Variants in HSPH1 observed in about 807,000 individuals in gnomAD.
The protein encoded by HSPH1 is heat shock protein family H (Hsp110) member 1, also known as heat shock protein 105 kDa.
HSPH1 carries 40 observed loss-of-function variants against 100.0 expected under a neutral mutation model. That is an observed-to-expected ratio of 0.40 (90% confidence interval 0.31 to 0.52). The LOEUF (loss-of-function observed/expected upper bound fraction) is 0.52. Ranked by LOEUF, HSPH1 falls within the 20% of genes least tolerant of loss-of-function variation. The pLI is 0.54. For synonymous variants in HSPH1, 403 were observed against 344.0 expected (o/e 1.17, Z -1.90); for missense variants, 876 against 1,015.1 (o/e 0.86, Z 1.86).
At position 31,138,475 on chromosome 13, in the gene HSPH1, C is replaced by T. The variant is rs762864116; in HGVS notation, c.2302G>A (p.Ala768Thr). ...TGATCAAGACTCTTTTTAGCCTGAG[C>T]ATTCATGACATTATTCATCCATTCC... is the stretch of plus-strand genomic sequence containing the variant. ...VMEWMNNVMN[A>T]QAKKSLDQDP... The change falls in exon 17 of 18, where the codon GCT becomes ACT. Residue 768 changes from alanine (A) to threonine (T), a missense_variant. Transcript: ENST00000320027. The T allele has an allele frequency of 1.5e-5, 24 of 1,613,162 alleles. No individual in the cohort carries two copies. The South Asian group carries it at 2.5e-4, about 17-fold the overall frequency.
chr13:31,144,411 T>C (rs2137565224), intron 11 of HSPH1, among the ~76,000 whole-genome samples: 1 of 152,298 alleles, frequency 6.6e-6, no homozygotes, highest in South Asian at 2.1e-4. Flanking sequence ...CTTCAGCTTA[T>C]AGACAGCCAA....
intron 14 of HSPH1, among the ~76,000 whole-genome samples, chr13:31,139,883 G>A (rs556434537): frequency 2.6e-5 from 4 of 152,064 alleles, no homozygotes; most frequent in African/African-American, 7.2e-5. Context: ...CGCATTTGAC[G>A]TTTTTAAAAG....
chr13:31,159,062 G>A, intron 1 of HSPH1, among the ~76,000 whole-genome samples, 199 bp from the exon 2 acceptor site: 1 of 152,164 alleles, frequency 6.6e-6, no homozygotes, highest in East Asian at 1.9e-4. Context: ...AACCTAGGTG[G>A]CAGTTCTACT....
At position 31,143,842 on chromosome 13, in the gene HSPH1, G is replaced by A; in HGVS notation, c.1666C>T (p.Pro556Ser). The A allele has an allele frequency of 6.2e-7, 1 of 1,611,716 alleles. No individual in the cohort carries two copies. The highest frequency in any genetic ancestry group is 1.1e-5 in the South Asian group (1 of 90,840). The change falls in exon 12 of 18, where the codon CCT becomes TCT. Residue 556 changes from proline (P) to serine (S), a missense_variant. Physicochemically the swap from Pro to Ser is moderately conservative, Grantham distance 74. Transcript: ENST00000320027. ...TCTTCTGAGGTAAGTTCAGGTGAAG[G>A]GGGAGACTGTGAGGTTTGTTGAGCA... ...TDAQQTSQSP[P>S]SPELTSEENK... is the part of the protein sequence containing the mutation.
At chr13:31,149,847 C>T in intron 8 of HSPH1, 107 bp downstream of exon 8, 1 of 845,742 alleles carries the variant, frequency 1.2e-6, no homozygotes. Context: ...TTAAAATGTC[C>T]TTCTGCTACC....
At chr13:31,152,599 A>G in intron 5 of HSPH1, 1 of 270,976 alleles carries the variant, frequency 3.7e-6, no homozygotes, top group South Asian at 5.4e-5. Flanking sequence ...TAAGGAAACA[A>G]AGCTAAATCC....
At chr13:31,143,315 CCTTGAAGTGCAAT>C (rs1233807469) in intron 12 of HSPH1, among the ~76,000 whole-genome samples, 3 of 152,012 alleles carry the variant, frequency 2.0e-5, no homozygotes, top group Non-Finnish European at 4.4e-5. Flanking sequence ...AAAATAATTA[CCTTGAAGTGCAAT>C]CTGGTTATTA....
chr13:31,154,894 A>AAAAGGAGGAAAAAGGGAAGGG, intron 3 of HSPH1, 139 bp from the exon 4 acceptor site: 1 of 667,902 alleles, frequency 1.5e-6, no homozygotes, highest in South Asian at 2.2e-5. Context: ...AAGAAGGAAG[A>AAAAGGAGGAAAAAGGGAAGGG]AAAGGAGGAA....
chr13:31,146,678 T>G (rs1956274923), intron 10 of HSPH1, among the ~76,000 whole-genome samples: 1 of 152,156 alleles, frequency 6.6e-6, no homozygotes, highest in Admixed American at 6.5e-5. Flanking sequence ...GTGTAGACTT[T>G]AATCCAGACT....
At chr13:31,159,601 G>A (rs963436407) in intron 1 of HSPH1, among the ~76,000 whole-genome samples, 3 of 152,176 alleles carry the variant, frequency 2.0e-5, no homozygotes, top group East Asian at 1.9e-4. Flanking sequence ...AGTCTTGTGA[G>A]AAGAAGGTAA....
intron 4 of HSPH1, chr13:31,154,197 G>A: frequency 4.7e-6 from 1 of 211,816 alleles, no homozygotes; most frequent in South Asian, 7.0e-5. Context: ...ATTGTCCACT[G>A]AAGGTAACAG....
chr13:31,153,057 C>T (rs897449855), intron 4 of HSPH1, 106 bp from the exon 5 acceptor site: 18 of 709,946 alleles, frequency 2.5e-5, no homozygotes, highest in African/African-American at 1.5e-4. Context: ...GTAGGTGCCT[C>T]GCCAAGTCAC....
At position 31,158,875 on chromosome 13, in the gene HSPH1, T is replaced by A; in HGVS notation, c.108-12A>T. 1.3e-6 allele frequency: 2 copies of A among 1,516,198 alleles called. No homozygotes were observed. The highest frequency in any genetic ancestry group is 1.8e-6 in the Non-Finnish European group (2 of 1,091,818). 93.9% of individuals were successfully genotyped at this position (1,516,198 alleles called of 1,614,324 possible). On this transcript the variant is annotated splice_polypyrimidine_tract_variant and intron_variant, in intron 1 of 17. Transcript: ENST00000320027. ...ATGATATGACTGACCTAGAAAAAAATATATTCCAAAAAATTAAAAAGCATA... is the reference window on the plus strand; with the variant it reads ...ATGATATGACTGACCTAGAAAAAAAAATATTCCAAAAAATTAAAAAGCATA...
intron 12 of HSPH1, among the ~76,000 whole-genome samples, chr13:31,142,328 A>G (rs1956125894): frequency 6.6e-6 from 1 of 152,118 alleles, no homozygotes; most frequent in African/African-American, 2.4e-5. Context: ...GACTGATCTC[A>G]GTGTTCCTTA....
Position 31,148,500 on chromosome 13 carries a change from ATC to A in HSPH1, c.1138-22_1138-21del. 2 of 962,626 alleles carry A rather than the reference ATC, an allele frequency of 2.1e-6. No individual in the cohort carries two copies. Among genetic ancestry groups the A allele is most frequent in the Non-Finnish European group, 3.0e-6 (2 of 665,618 alleles). 59.6% of individuals were successfully genotyped at this position (962,626 alleles called of 1,614,324 possible). A position where few individuals can be genotyped will look rare whatever the true frequency, so the allele number is the denominator to read the frequency against. ...TGCACACTTAAAAAAAAAAAAAAAA[ATC>A]ATGAGCACATGAACACTTCCCAGTC... On this transcript the variant is annotated intron_variant, in intron 8 of 17. Transcript: ENST00000320027.
At position 31,135,900 on chromosome 13, in the gene HSPH1, T is replaced by C. The variant is rs949480057; in HGVS notation, c.*1418A>G. On this transcript the variant is annotated 3_prime_UTR_variant, in exon 18 of 18. Coordinates refer to ENST00000320027, the MANE Select transcript of HSPH1 (RefSeq NM_006644.4). ...CATCAAGATCATAAATGGCTGGGCA[T>C]GGTGGCTCACACCATGTAATCCCAG... 7 of 152,144 alleles carry C rather than the reference T, an allele frequency of 4.6e-5. No individual in the cohort carries two copies. Among genetic ancestry groups the C allele is most frequent in the African/African-American group, 1.4e-4 (6 of 41,404 alleles). 9.4% of individuals were successfully genotyped at this position (152,144 alleles called of 1,614,324 possible). A position where few individuals can be genotyped will look rare whatever the true frequency, so the allele number is the denominator to read the frequency against.
In HSPH1 at chr13:31,161,713, A is replaced by C; in HGVS notation, c.-131T>G. 1 of 1,536,474 alleles carries C rather than the reference A, an allele frequency of 6.5e-7. No homozygotes were observed. Among genetic ancestry groups the C allele is most frequent in the Non-Finnish European group, 8.7e-7 (1 of 1,147,474 alleles). ...CCCGCGGGGTCTGGCCGTTCCTCTG[A>C]CACTCAGAAGGACACACAGACAGCC... is the stretch of plus-strand genomic sequence containing the variant. On this transcript the variant is annotated 5_prime_UTR_variant, in exon 1 of 18. Transcript: ENST00000320027.
At chr13:31,151,369 ACTAC>A in intron 6 of HSPH1, 178 bp from the exon 7 acceptor site, 2 of 701,400 alleles carry the variant, frequency 2.9e-6, no homozygotes, top group Non-Finnish European at 4.5e-6. Flanking sequence ...CTTTTAAATG[ACTAC>A]ATAGAAAATA....
chr13:31,138,180 C>T (rs1181142759), intron 17 of HSPH1, among the ~76,000 whole-genome samples: 1 of 152,010 alleles, frequency 6.6e-6, no homozygotes, highest in African/African-American at 2.4e-5. Context: ...ATGACAGGTG[C>T]TCAACAAATA....
Sources: allele counts gnomAD v4.1 joint callset (sites outside exome capture counted in the v4.1 genomes callset), GRCh38; gene constraint gnomAD v4.1.1; transcripts MANE v1.5; gene names NCBI Gene and HGNC (gene_info 2026-07-23, HGNC 2026-07-21).